Variants in TSPAN18 observed in about 807,000 individuals in gnomAD.
The protein encoded by TSPAN18 is tetraspanin-18.
TSPAN18 carries 14 observed loss-of-function variants against 27.3 expected under a neutral mutation model. The observed-to-expected ratio is 0.51, with a 90% confidence interval of 0.34 to 0.80. The LOEUF is 0.80. Among genes scored for constraint, TSPAN18 ranks in the 30% least tolerant of loss-of-function variants. The pLI is 0.01. For synonymous variants in TSPAN18, 143 were observed against 136.5 expected, an observed-to-expected ratio of 1.05 and a Z score of -0.33; for missense variants, 268 against 323.9, an observed-to-expected ratio of 0.83 and a Z score of 1.32.
chr11:44,881,355 C>T lies in TSPAN18; in HGVS notation c.-11+20886C>T, dbSNP rs180735667. ...GACCCCAGACCCCTCGAACCTCAGC[C>T]GCCGCCCCTGAACACCAGTTCCCTC... On this transcript the variant is annotated intron_variant, in intron 3 of 9. Transcript: ENST00000520358. 1.8e-4 allele frequency among the ~76,000 whole-genome samples: 27 copies of T among 152,218 alleles called. 1 individual carries two copies. The highest frequency in any genetic ancestry group is 1.5e-3 in the Admixed American group (23 of 15,304).
chr11:44,888,373 T>C (rs1054848892), intron 3 of TSPAN18, among the ~76,000 whole-genome samples: 4 of 152,164 alleles, frequency 2.6e-5, no homozygotes, highest in Non-Finnish European at 4.4e-5. Context: ...AAGTGCTTAG[T>C]ATGGTTCCTG....
chr11:44,848,633 T>C (rs963702245), intron 2 of TSPAN18, among the ~76,000 whole-genome samples: 1 of 152,072 alleles, frequency 6.6e-6, no homozygotes, highest in Non-Finnish European at 1.5e-5. Flanking sequence ...CAGGACTCAA[T>C]TGAGAGAAAG....
chr11:44,915,578 C>T (rs1859874647), intron 5 of TSPAN18, among the ~76,000 whole-genome samples: 1 of 152,166 alleles, frequency 6.6e-6, no homozygotes, highest in African/African-American at 2.4e-5. Context: ...TCCAGATGTG[C>T]CAGCAGGCCA....
chr11:44,787,646 A>G (rs1297415848), intron 2 of TSPAN18, among the ~76,000 whole-genome samples: 1 of 151,894 alleles, frequency 6.6e-6, no homozygotes. Context: ...TACGAGGGTT[A>G]AAGAGAGACT....
chr11:44,894,074 G>A (rs1255393964), intron 3 of TSPAN18, among the ~76,000 whole-genome samples: 1 of 152,216 alleles, frequency 6.6e-6, no homozygotes, highest in Non-Finnish European at 1.5e-5. Flanking sequence ...CAGGGCTGGC[G>A]CTGTTGGTGC....
At position 44,807,227 on chromosome 11, in the gene TSPAN18, AAAAAAAAAAG is replaced by A. The variant is rs1255028531; in HGVS notation, c.-153+42718_-153+42727del. ...AAAAAAAAAAAAAAAAAAAAAAAAA[AAAAAAAAAAG>A]AAGGAAAGAGGCCAGGCACCGTGGC... On this transcript the variant is annotated intron_variant, in intron 2 of 9. Coordinates refer to ENST00000520358, the MANE Select transcript of TSPAN18 (RefSeq NM_130783.5). Among the ~76,000 whole-genome samples the A allele has an allele frequency of 3.4e-3, 90 of 26,336 alleles. 9 individuals carry two copies. Among genetic ancestry groups the A allele is most frequent in the African/African-American group, 5.6e-3 (86 of 15,234 alleles). The allele number at this position is 26,336 out of a possible 152,430, so 17.3% of individuals were successfully genotyped here.
chr11:44,775,528 C>G (rs1011006796), intron 2 of TSPAN18, among the ~76,000 whole-genome samples: 2 of 152,100 alleles, frequency 1.3e-5, no homozygotes, highest in African/African-American at 4.8e-5. Flanking sequence ...TCTCCAGGCA[C>G]GTTTCATTGC....
At chr11:44,923,049 C>T (rs142124148) in intron 8 of TSPAN18, among the ~76,000 whole-genome samples, 16 of 152,230 alleles carry the variant, frequency 1.1e-4, no homozygotes, top group African/African-American at 3.6e-4. Context: ...GCGGAGGTTG[C>T]GGTGAGCTGA....
At chr11:44,860,515 T>A (rs1408328517) in intron 3 of TSPAN18, 46 bp downstream of exon 3, 2 of 152,264 alleles carry the variant, frequency 1.3e-5, no homozygotes, top group Non-Finnish European at 2.9e-5. Context: ...CTGCTACTTT[T>A]GTTGTTGCTG....
intron 2 of TSPAN18, among the ~76,000 whole-genome samples, chr11:44,769,108 GCTAGTCTTGAACT>G (rs1434380988): frequency 6.6e-6 from 1 of 151,998 alleles, no homozygotes; most frequent in Non-Finnish European, 1.5e-5. Flanking sequence ...TTTTGGCCAG[GCTAGTCTTGAACT>G]CCTGACCTCG....
intron 2 of TSPAN18, among the ~76,000 whole-genome samples, chr11:44,840,088 G>A (rs1001997995): frequency 2.0e-5 from 3 of 152,186 alleles, no homozygotes; most frequent in Non-Finnish European, 4.4e-5. Flanking sequence ...GTGCTGCCTC[G>A]GCCAAGTCCT....
intron 3 of TSPAN18, among the ~76,000 whole-genome samples, chr11:44,869,662 G>C (rs1858137940): frequency 6.6e-6 from 1 of 152,184 alleles, no homozygotes; most frequent in Non-Finnish European, 1.5e-5. Flanking sequence ...GACACGGCCA[G>C]GCCCCGTCCA....
chr11:44,852,910 T>A (rs55940349), intron 2 of TSPAN18, among the ~76,000 whole-genome samples: 3 of 152,094 alleles, frequency 2.0e-5, no homozygotes, highest in African/African-American at 4.8e-5. Context: ...AAAATGCTCC[T>A]GGCCATTCCA....
chr11:44,742,313 TTTCCTTTC>T (rs1225282125), intron 1 of TSPAN18, among the ~76,000 whole-genome samples: 115 of 141,198 alleles, frequency 8.1e-4, no homozygotes, highest in African/African-American at 2.9e-3. Flanking sequence ...CCCTCCCTTT[TTTCCTTTC>T]TTCCTTTCTT....
intron 1 of TSPAN18, among the ~76,000 whole-genome samples, chr11:44,757,193 C>T (rs1855351286): frequency 1.3e-5 from 2 of 152,098 alleles, no homozygotes; most frequent in South Asian, 4.1e-4. Context: ...GTGGTTGTAC[C>T]ATTTTACATT....
At chr11:44,825,600 A>G (rs1432106512) in intron 2 of TSPAN18, among the ~76,000 whole-genome samples, 2 of 152,166 alleles carry the variant, frequency 1.3e-5, no homozygotes, top group Non-Finnish European at 1.5e-5. Context: ...TCCTGTGTGA[A>G]GTCTCCTGAC....
chr11:44,789,971 G>A (rs1590471234), intron 2 of TSPAN18, among the ~76,000 whole-genome samples: 1 of 152,294 alleles, frequency 6.6e-6, no homozygotes, highest in East Asian at 1.9e-4. Context: ...GGGGCATGAA[G>A]GATGATCTGG....
intron 2 of TSPAN18, among the ~76,000 whole-genome samples, chr11:44,856,331 C>T (rs564188915): frequency 2.6e-5 from 4 of 152,296 alleles, no homozygotes; most frequent in African/African-American, 9.6e-5. Flanking sequence ...TGTCTCACTT[C>T]CCACTCTGCC....
chr11:44,807,165 C>G (rs1472744740), intron 2 of TSPAN18, among the ~76,000 whole-genome samples: 2 of 137,886 alleles, frequency 1.5e-5, no homozygotes, highest in Non-Finnish European at 3.0e-5. Flanking sequence ...GGCACCCAGC[C>G]TGGCTAAGTA....
Sources: gnomAD v4.1 joint callset for allele counts (sites outside exome capture counted in the v4.1 genomes callset) on GRCh38, gnomAD v4.1.1 for gene constraint, MANE v1.5 for transcripts, NCBI Gene and HGNC (gene_info 2026-07-23, HGNC 2026-07-21) for gene names.